Variants in NME8 observed in about 807,000 individuals in gnomAD.
The protein encoded by NME8 is protein NME8.
A neutral mutation model predicts 82.3 loss-of-function variants in NME8; 72 were observed. That is an observed-to-expected ratio of 0.87 (90% CI 0.72 to 1.06). The LOEUF (loss-of-function observed/expected upper bound fraction) is 1.06, where lower values mean the gene tolerates loss of function less well. Ranked by LOEUF, NME8 falls within the 50% of genes least tolerant of loss-of-function variation. The pLI is 0.00. For missense variants in NME8, 712 were observed against 685.4 expected (o/e 1.04, Z -0.43); for synonymous variants, 267 against 228.5 (o/e 1.17, Z -1.52).
At chr7:37,866,836 T>C (rs1391624730) in intron 10 of NME8, among the ~76,000 whole-genome samples, 1 of 152,176 alleles carries the variant, frequency 6.6e-6, no homozygotes, top group Admixed American at 6.5e-5. Context: ...ATTTTATACA[T>C]TTTAGGGAGA....
intron 12 of NME8, among the ~76,000 whole-genome samples, chr7:37,880,533 C>T (rs976460268): frequency 1.3e-5 from 2 of 152,266 alleles, no homozygotes; most frequent in Admixed American, 1.3e-4. Flanking sequence ...TTTCTGGGCT[C>T]TCTGCTCTGT....
rs1785010820 is a variant in NME8, at chr7:37,884,447, G to A, written c.1139G>A (p.Ser380Asn). 6.2e-7 allele frequency: 1 copy of A among 1,609,596 alleles called. No individual in the cohort carries two copies. The highest frequency in any genetic ancestry group is 8.5e-7 in the Non-Finnish European group (1 of 1,176,360). The change falls in exon 13 of 18, where the codon AGT becomes AAT. Residue 380 changes from serine to asparagine, a missense_variant and splice_region_variant. Coordinates refer to ENST00000199447, the MANE Select transcript of NME8 (RefSeq NM_016616.5). Reference sequence around the variant, plus strand: ...AATAAACTTATAGAAAACATGACCAGGTAGAATCCAGGTTGAGAAAATTCA... The same window carrying A: ...AATAAACTTATAGAAAACATGACCAAGTAGAATCCAGGTTGAGAAAATTCA... The part of the protein sequence containing the change: ...YFNKLIENMT[S>N]GPSLALVLLR...
intron 10 of NME8, among the ~76,000 whole-genome samples, chr7:37,866,628 C>A (rs1043466377): frequency 7.2e-5 from 11 of 152,170 alleles, no homozygotes; most frequent in African/African-American, 2.7e-4. Flanking sequence ...TAGCTTTGAA[C>A]TTCTGCCACT....
intron 15 of NME8, among the ~76,000 whole-genome samples, chr7:37,891,412 T>C (rs188173250): frequency 6.6e-6 from 1 of 152,080 alleles, no homozygotes; most frequent in East Asian, 1.9e-4. Context: ...TTTCAGGTCT[T>C]ACAGGAAAAA....
At position 37,863,436 on chromosome 7, in the gene NME8, G is replaced by C. The variant is rs1784628222; in HGVS notation, c.428G>C (p.Ser143Thr). The change falls in exon 8 of 18, where the codon AGT becomes ACT. Residue 143 changes from serine (S) to threonine (T), a missense_variant. Transcript: ENST00000199447. ...IPLVDSDSEV[S>T]EESPCESVQE... ...TTAGTAGACTCAGATTCAGAAGTTAGTGAAGAATCACCATGTGAAAGTGTT... is the reference window on the plus strand; with the variant it reads ...TTAGTAGACTCAGATTCAGAAGTTACTGAAGAATCACCATGTGAAAGTGTT... The C allele has an allele frequency of 3.1e-6, 5 of 1,601,134 alleles. No individual in the cohort carries two copies. Among genetic ancestry groups the C allele is most frequent in the Non-Finnish European group, 4.3e-6 (5 of 1,168,388 alleles).
intron 10 of NME8, 27 bp downstream of exon 10, chr7:37,865,644 T>C: frequency 6.7e-7 from 1 of 1,492,248 alleles, no homozygotes; most frequent in Non-Finnish European, 9.4e-7. Flanking sequence ...GAAAAAATCC[T>C]CTATGTGTTT....
chr7:37,866,919 G>A (rs558076532), intron 10 of NME8, among the ~76,000 whole-genome samples: 10 of 152,262 alleles, frequency 6.6e-5, no homozygotes, highest in Middle Eastern at 3.4e-3. Context: ...TTGAAGCAGG[G>A]TTGCTTCCAG....
chr7:37,883,795 T>C (rs1205361393), intron 12 of NME8, among the ~76,000 whole-genome samples: 1 of 152,186 alleles, frequency 6.6e-6, no homozygotes, highest in Non-Finnish European at 1.5e-5. Context: ...TTTTCTAGGC[T>C]TCTGTAGTGG....
intron 13 of NME8, 48 bp downstream of exon 13, chr7:37,884,495 G>A: frequency 6.5e-7 from 1 of 1,540,178 alleles, no homozygotes; most frequent in East Asian, 2.3e-5. Flanking sequence ...TTTGAATCAT[G>A]TAAACTTTCT....
At chr7:37,878,927 A>G (rs1247212567) in intron 12 of NME8, among the ~76,000 whole-genome samples, 1 of 152,054 alleles carries the variant, frequency 6.6e-6, no homozygotes, top group African/African-American at 2.4e-5. Context: ...TGTTCATCCT[A>G]TGGATTGTGA....
Position 37,888,370 on chromosome 7 carries a change from C to G in NME8, c.1341C>G (p.Phe447Leu), listed in dbSNP as rs201867197. The G allele has an allele frequency of 1.2e-6, 2 of 1,613,400 alleles. No individual in the cohort carries two copies. The highest frequency in any genetic ancestry group is 1.7e-6 in the Non-Finnish European group (2 of 1,179,536). ...CCGCTGAAAGGGAAATACAGCATTTCTTTCCTCTTCAAAGCACTTTAGGCT... is the reference window on the plus strand; with the variant it reads ...CCGCTGAAAGGGAAATACAGCATTTGTTTCCTCTTCAAAGCACTTTAGGCT... ...LETAEREIQH[F>L]FPLQSTLGLI... The change falls in exon 15 of 18, where the codon TTC becomes TTG. Residue 447 changes from phenylalanine to leucine, a missense_variant. Physicochemically the swap from Phe to Leu is conservative, Grantham distance 22 (BLOSUM62 0). Coordinates refer to ENST00000199447, the MANE Select transcript of NME8 (RefSeq NM_016616.5).
At chr7:37,897,584 C>T (rs779076059) in intron 17 of NME8, among the ~76,000 whole-genome samples, 1 of 152,054 alleles carries the variant, frequency 6.6e-6, no homozygotes, top group African/African-American at 2.4e-5. Flanking sequence ...ATGCGCAGAA[C>T]GTGCAGGTTT....
At chr7:37,855,167 A>T (rs1209639896) in intron 5 of NME8, among the ~76,000 whole-genome samples, 1 of 152,112 alleles carries the variant, frequency 6.6e-6, no homozygotes, top group African/African-American at 2.4e-5. Context: ...TGTCGACCTC[A>T]TGGGATTCTC....
chr7:37,870,205 A>G (rs1397631089), intron 11 of NME8, among the ~76,000 whole-genome samples: 2 of 151,694 alleles, frequency 1.3e-5, no homozygotes, highest in Non-Finnish European at 2.9e-5. Context: ...GTCTTGGGCC[A>G]CACATAAAAT....
At chr7:37,850,457 C>T in intron 4 of NME8, 22 bp downstream of exon 4, 1 of 1,613,670 alleles carries the variant, frequency 6.2e-7, no homozygotes, top group Non-Finnish European at 8.5e-7. Flanking sequence ...CCCCGGCTGT[C>T]TGGCCACCTG....
intron 17 of NME8, among the ~76,000 whole-genome samples, chr7:37,897,672 C>T (rs893015362): frequency 6.6e-6 from 1 of 151,888 alleles, no homozygotes; most frequent in East Asian, 1.9e-4. Flanking sequence ...CCTCACCCCC[C>T]ACCCCCCAAC....
chr7:37,852,315 A>G (rs189970641), intron 5 of NME8, among the ~76,000 whole-genome samples: 1 of 151,966 alleles, frequency 6.6e-6, no homozygotes, highest in Non-Finnish European at 1.5e-5. Context: ...AGAGTGGTAC[A>G]TTGTTACAAC....
At chr7:37,854,145 C>T (rs1784476726) in intron 5 of NME8, among the ~76,000 whole-genome samples, 1 of 151,880 alleles carries the variant, frequency 6.6e-6, no homozygotes, top group African/African-American at 2.4e-5. Flanking sequence ...TTATGGGTAA[C>T]ATAAACAGTC....
intron 11 of NME8, among the ~76,000 whole-genome samples, chr7:37,870,588 CAAA>C (rs35884288): frequency 0.01 from 997 of 97,616 alleles, 15 homozygotes; most frequent in African/African-American, 0.036. Context: ...GACTCCATCT[CAAA>C]AAAAAAAAAA....
Sources: allele counts gnomAD v4.1 joint callset (sites outside exome capture counted in the v4.1 genomes callset), GRCh38; gene constraint gnomAD v4.1.1; transcripts MANE v1.5; gene names NCBI Gene and HGNC (gene_info 2026-07-23, HGNC 2026-07-21).